The following SIMC1 variants were observed in gnomAD, a reference collection of about 807,000 sequenced individuals.
SIMC1 encodes SUMO interacting motifs containing 1, also known as SUMO-interacting motif-containing protein 1.
In SIMC1, 55 loss-of-function variants were observed where a neutral mutation model predicts 82.3. The observed-to-expected ratio is 0.67, with a 90% CI of 0.54 to 0.84. The LOEUF (loss-of-function observed/expected upper bound fraction) is 0.84, where lower values mean the gene tolerates loss of function less well. SIMC1 is among the 40% of genes least tolerant of loss of function. SIMC1 has a pLI of 0.00. For missense variants in SIMC1, 915 were observed against 1,107.2 expected, an observed-to-expected ratio of 0.83 and a Z score of 2.46; for synonymous variants, 353 against 426.3, an observed-to-expected ratio of 0.83 and a Z score of 2.12.
rs146617615 is a variant in SIMC1, at chr5:176,324,666, G to A, written c.2080G>A (p.Val694Ile). The A allele has an allele frequency of 8.1e-4, 1,310 of 1,610,296 alleles. 4 individuals carry two copies. Among genetic ancestry groups the A allele is most frequent in the Non-Finnish European group, 6.6e-4 (778 of 1,178,306 alleles). The change falls in exon 7 of 10, where the codon GTA (valine) becomes ATA (isoleucine). Residue 694 changes from valine to isoleucine, a missense_variant. Val to Ile is a conservative substitution (Grantham distance 29, BLOSUM62 3). Transcript: ENST00000429602. ...GCTTCAGAGGATGCTCTCCATAGCC[G>A]TAGAGGTGGACAGGACCCCCACCTG... The part of the protein sequence containing the change: ...CQLQRMLSIA[V>I]EVDRTPTCSS...
chr5:176,264,547 G>A (rs1031476516), intron 1 of SIMC1, among the ~76,000 whole-genome samples: 1 of 151,932 alleles, frequency 6.6e-6, no homozygotes, highest in East Asian at 1.9e-4. Context: ...GCCTGAATTT[G>A]GATTGGGCTC....
intron 1 of SIMC1, among the ~76,000 whole-genome samples, chr5:176,248,461 T>C (rs1373017787): frequency 6.6e-6 from 1 of 152,156 alleles, no homozygotes; most frequent in African/African-American, 2.4e-5. Flanking sequence ...TGATTTTGTA[T>C]CCTGAGACTT....
At chr5:176,270,971 C>CA (rs986991299) in intron 1 of SIMC1, among the ~76,000 whole-genome samples, 22 of 152,300 alleles carry the variant, frequency 1.4e-4, no homozygotes, top group Admixed American at 5.2e-4. Flanking sequence ...TTGGGGTCCA[C>CA]ACGATCTAGT....
At chr5:176,298,506 T>C (rs1763915027) in intron 4 of SIMC1, among the ~76,000 whole-genome samples, 1 of 152,180 alleles carries the variant, frequency 6.6e-6, no homozygotes, top group Admixed American at 6.5e-5. Context: ...TGGTGGTGCA[T>C]GCCTGCAGTC....
At chr5:176,245,886 A>G (rs1468077069) in intron 1 of SIMC1, among the ~76,000 whole-genome samples, 2 of 152,186 alleles carry the variant, frequency 1.3e-5, no homozygotes, top group African/African-American at 2.4e-5. Context: ...GTTGCTGGGC[A>G]GATGTCCTCA....
At chr5:176,301,193 G>C (rs1475453232) in intron 4 of SIMC1, among the ~76,000 whole-genome samples, 1 of 152,148 alleles carries the variant, frequency 6.6e-6, no homozygotes, top group African/African-American at 2.4e-5. Flanking sequence ...GGGACCTGGT[G>C]GGAGGTAATT....
At chr5:176,247,459 G>GT (rs1761489225) in intron 1 of SIMC1, among the ~76,000 whole-genome samples, 1 of 151,414 alleles carries the variant, frequency 6.6e-6, no homozygotes, top group East Asian at 1.9e-4. Flanking sequence ...GGGGTTGTTT[G>GT]TTTTTTTCTT....
intron 1 of SIMC1, among the ~76,000 whole-genome samples, chr5:176,274,633 T>G (rs1344330487): frequency 6.6e-6 from 1 of 151,872 alleles, no homozygotes; most frequent in East Asian, 1.9e-4. Flanking sequence ...GTTTTTATGG[T>G]TTTAGGTCTA....
At chr5:176,261,645 G>A (rs1393896623) in intron 1 of SIMC1, among the ~76,000 whole-genome samples, 1 of 151,950 alleles carries the variant, frequency 6.6e-6, no homozygotes, top group East Asian at 1.9e-4. Flanking sequence ...CTACTCTGGA[G>A]GCTGAGGCAG....
chr5:176,291,279 T>C (rs1189397168), intron 2 of SIMC1, among the ~76,000 whole-genome samples: 1 of 144,294 alleles, frequency 6.9e-6, no homozygotes, highest in African/African-American at 2.6e-5. Flanking sequence ...TTCTTCTACC[T>C]CAGCCTCCCT....
At chr5:176,281,760 A>G (rs1763019777) in intron 1 of SIMC1, among the ~76,000 whole-genome samples, 1 of 152,180 alleles carries the variant, frequency 6.6e-6, no homozygotes, top group Non-Finnish European at 1.5e-5. Context: ...GTGAACCGCG[A>G]ATGCTGCCGT....
chr5:176,271,671 G>C (rs1231530796), intron 1 of SIMC1, among the ~76,000 whole-genome samples: 1 of 151,248 alleles, frequency 6.6e-6, no homozygotes, highest in African/African-American at 2.4e-5. Flanking sequence ...GCACAACAAG[G>C]TGACTACAGT....
intron 4 of SIMC1, among the ~76,000 whole-genome samples, chr5:176,306,601 C>T (rs537661110): frequency 6.6e-6 from 1 of 151,474 alleles, no homozygotes; most frequent in African/African-American, 2.4e-5. Flanking sequence ...TCCTGTTGAT[C>T]TGTGACCTTA....
chr5:176,335,234 G>T (rs1167471222), intron 7 of SIMC1, among the ~76,000 whole-genome samples: 1 of 149,076 alleles, frequency 6.7e-6, no homozygotes, highest in African/African-American at 2.5e-5. Context: ...ATCAGTTACT[G>T]TGTTGAGGCT....
At chr5:176,281,330 G>A (rs1287289420) in intron 1 of SIMC1, among the ~76,000 whole-genome samples, 3 of 152,020 alleles carry the variant, frequency 2.0e-5, no homozygotes, top group South Asian at 2.1e-4. Context: ...TTATACATTC[G>A]TCTAAATTTT....
chr5:176,299,282 A>G (rs1763942762), intron 4 of SIMC1, among the ~76,000 whole-genome samples: 1 of 152,142 alleles, frequency 6.6e-6, no homozygotes, highest in East Asian at 1.9e-4. Context: ...TGTCCCAGCT[A>G]CTGTGGAGGT....
chr5:176,260,971 C>CAACTACATACAGCAGTAGT (rs1309516770), intron 1 of SIMC1: 2 of 152,172 alleles, frequency 1.3e-5, no homozygotes, highest in Non-Finnish European at 2.9e-5. Context: ...GCAGCAGTGG[C>CAACTACATACAGCAGTAGT]AACTACATAC....
At chr5:176,283,406 T>C (rs1230468131) in intron 1 of SIMC1, among the ~76,000 whole-genome samples, 1 of 152,178 alleles carries the variant, frequency 6.6e-6, no homozygotes, top group Non-Finnish European at 1.5e-5. Flanking sequence ...AACACAGAAT[T>C]TCATATCCAG....
At chr5:176,275,269 T>A (rs149298757) in intron 1 of SIMC1, among the ~76,000 whole-genome samples, 2 of 151,130 alleles carry the variant, frequency 1.3e-5, no homozygotes, top group East Asian at 1.9e-4. Flanking sequence ...ATGATTTGGC[T>A]CTCTGTCTGT....
Sources: allele counts gnomAD v4.1 joint callset (sites outside exome capture counted in the v4.1 genomes callset), GRCh38; gene constraint gnomAD v4.1.1; transcripts MANE v1.5; gene names NCBI Gene and HGNC (gene_info 2026-07-23, HGNC 2026-07-21).